Variants in ST7 observed in about 807,000 individuals in gnomAD.
ST7 encodes the protein suppressor of tumorigenicity 7 protein.
Under a neutral mutation model 78.7 loss-of-function variants are expected in ST7, and 28 were observed. The observed-to-expected ratio is 0.36, with a 90% CI of 0.26 to 0.49. The LOEUF is 0.49. Among genes scored for constraint, ST7 ranks in the 20% least tolerant of loss-of-function variants. The pLI, the probability that ST7 is intolerant of heterozygous loss-of-function variation, is 0.99. For missense variants in ST7, 418 were observed against 696.0 expected (o/e 0.60, Z 4.49); for synonymous variants, 247 against 249.6 (o/e 0.99, Z 0.10).
intron 1 of ST7, among the ~76,000 whole-genome samples, chr7:116,998,394 G>A (rs1008207026): frequency 1.3e-5 from 2 of 152,180 alleles, no homozygotes; most frequent in Admixed American, 6.5e-5. Context: ...ACACCTCCCC[G>A]CAAGCCGAGG....
chr7:117,095,744 ATGGAGG>A (rs1276683319), intron 1 of ST7, among the ~76,000 whole-genome samples: 1 of 152,184 alleles, frequency 6.6e-6, no homozygotes, highest in Non-Finnish European at 1.5e-5. Flanking sequence ...CCTAACAAGT[ATGGAGG>A]TGACCTTGAT....
rs559970130 is a variant in ST7, at chr7:117,015,294, C to T, written c.151+61603C>T. On this transcript the variant is annotated intron_variant, in intron 1 of 15. Transcript: ENST00000323984. ...TCCAACCCATAGTTAATCCACATTT[C>T]TCCCCTCTTAGGCCAGAGGATTTAA... is the stretch of plus-strand genomic sequence containing the variant. Among the ~76,000 whole-genome samples, 4 of 152,280 alleles carry T rather than the reference C, an allele frequency of 2.6e-5. No individual in the cohort carries two copies. In the South Asian group the frequency reaches 8.3e-4, roughly 32 times the overall value.
chr7:117,063,787 G>A (rs1408866384), intron 1 of ST7, among the ~76,000 whole-genome samples: 1 of 152,178 alleles, frequency 6.6e-6, no homozygotes, highest in Non-Finnish European at 1.5e-5. Context: ...TAGTTAACTT[G>A]CTTCTTTGAA....
intron 1 of ST7, among the ~76,000 whole-genome samples, chr7:117,062,512 A>G (rs1798412764): frequency 6.6e-6 from 1 of 152,188 alleles, no homozygotes; most frequent in Non-Finnish European, 1.5e-5. Flanking sequence ...GTAGTAGTCT[A>G]TGGAATTTAT....
chr7:117,201,653 A>G (rs1338256048), intron 12 of ST7, among the ~76,000 whole-genome samples: 1 of 151,460 alleles, frequency 6.6e-6, no homozygotes. Flanking sequence ...CGACCTCCCA[A>G]GCTCAAGCAA....
rs546173645 is a variant in ST7, at chr7:117,044,397, A to G, written c.152-55365A>G. Among the ~76,000 whole-genome samples, 14 of 152,232 alleles carry G rather than the reference A, an allele frequency of 9.2e-5. No homozygotes were observed. The East Asian group carries it at 2.5e-3, about 27-fold the overall frequency. On this transcript the variant is annotated intron_variant, in intron 1 of 15. Transcript: ENST00000323984. ...AAGGTAGGCGTTTTTTTCGAGACAG[A>G]GTGCAGTGGCACAAGCTCAGCTCAC... is the stretch of plus-strand genomic sequence containing the variant.
intron 2 of ST7, among the ~76,000 whole-genome samples, chr7:117,108,905 G>A (rs970235915): frequency 1.3e-5 from 2 of 151,978 alleles, no homozygotes; most frequent in South Asian, 2.1e-4. Context: ...CAGCTTGGTC[G>A]CTGTTGGTGT....
At chr7:117,120,366 C>A (rs1803269475) in intron 3 of ST7, among the ~76,000 whole-genome samples, 1 of 152,204 alleles carries the variant, frequency 6.6e-6, no homozygotes, top group African/African-American at 2.4e-5. Flanking sequence ...ATTGCAGAAT[C>A]TTGTGTCTAA....
In ST7 at chr7:117,100,284, C is replaced by T. The variant is rs182951009; in HGVS notation, c.234+440C>T. Among the ~76,000 whole-genome samples, 384 of 152,198 alleles carry T rather than the reference C, an allele frequency of 2.5e-3. 1 individual carries two copies. The highest frequency in any genetic ancestry group is 8.5e-3 in the African/African-American group (351 of 41,536). ...GTTAGGAGTTTGAGACCAGCCTGGCCAGCATGGTGAAACCCCATCTCTACT... is the reference window on the plus strand; with the variant it reads ...GTTAGGAGTTTGAGACCAGCCTGGCTAGCATGGTGAAACCCCATCTCTACT... On this transcript the variant is annotated intron_variant, in intron 2 of 15. Transcript: ENST00000323984.
At chr7:117,113,421 G>A (rs1802592307) in intron 2 of ST7, among the ~76,000 whole-genome samples, 1 of 152,054 alleles carries the variant, frequency 6.6e-6, no homozygotes, top group Non-Finnish European at 1.5e-5. Context: ...TGGGGAGAGG[G>A]AAAGAGAAAA....
At chr7:117,030,733 T>A (rs1032013336) in intron 1 of ST7, among the ~76,000 whole-genome samples, 1 of 152,210 alleles carries the variant, frequency 6.6e-6, no homozygotes, top group Non-Finnish European at 1.5e-5. Context: ...TATACACTGC[T>A]GGTGGAAGTG....
intron 2 of ST7, among the ~76,000 whole-genome samples, chr7:117,110,102 T>A (rs1563088788): frequency 6.6e-6 from 1 of 152,344 alleles, no homozygotes; most frequent in South Asian, 2.1e-4. Flanking sequence ...TGGCAATCTT[T>A]TAGCATATAT....
At chr7:117,006,888 T>TG (rs992656023) in intron 1 of ST7, among the ~76,000 whole-genome samples, 13 of 152,352 alleles carry the variant, frequency 8.5e-5, no homozygotes, top group African/African-American at 3.1e-4. Flanking sequence ...GTAGTTGTTT[T>TG]GGGGTGCCGC....
At chr7:117,021,208 C>A (rs1051053477) in intron 1 of ST7, among the ~76,000 whole-genome samples, 2 of 151,704 alleles carry the variant, frequency 1.3e-5, no homozygotes, top group South Asian at 4.2e-4. Context: ...AGGATCATAT[C>A]TTTTTAAAAA....
At chr7:116,966,126 CA>C in intron 1 of ST7, 1 of 461,346 alleles carries the variant, frequency 2.2e-6, no homozygotes, top group Non-Finnish European at 4.5e-6. Flanking sequence ...GTAACACCTG[CA>C]AAAACAAAAG....
At chr7:116,967,255 C>T (rs1337496234) in intron 1 of ST7, 2 of 470,492 alleles carry the variant, frequency 4.3e-6, no homozygotes, top group East Asian at 6.9e-5. Flanking sequence ...TCTGGAAGAC[C>T]CCATTCCCCT....
At chr7:116,955,543 A>T (rs1792421475) in intron 1 of ST7, among the ~76,000 whole-genome samples, 1 of 152,206 alleles carries the variant, frequency 6.6e-6, no homozygotes. Context: ...CACAGGTCCC[A>T]CCTTTCAACA....
Position 116,953,558 on chromosome 7 carries a change from G to T in ST7, c.18G>T (p.Thr6=). The T allele has an allele frequency of 6.9e-7, 1 of 1,439,406 alleles. No individual in the cohort carries two copies. Among genetic ancestry groups the T allele is most frequent in the South Asian group, 1.3e-5 (1 of 74,514 alleles). 89.2% of individuals were successfully genotyped at this position (1,439,406 alleles called of 1,614,324 possible). A position where few individuals can be genotyped will look rare whatever the true frequency, so the allele number is the denominator to read the frequency against. Residue 6 remains threonine, a synonymous_variant, in exon 1 of 16, where the codon ACG becomes ACT. Coordinates refer to ENST00000323984, the MANE Select transcript of ST7 (RefSeq NM_001369598.1). MAEAA[T]GFLEQLKSCI... is the part of the protein sequence containing the mutation. ...GCTGAAACATGGCTGAAGCGGCCACGGGCTTTCTGGAGCAGCTCAAGTCCT... is the reference window on the plus strand; with the variant it reads ...GCTGAAACATGGCTGAAGCGGCCACTGGCTTTCTGGAGCAGCTCAAGTCCT...
intron 1 of ST7, among the ~76,000 whole-genome samples, chr7:117,091,286 A>G (rs539319157): frequency 2.0e-5 from 3 of 152,356 alleles, no homozygotes; most frequent in South Asian, 2.1e-4. Context: ...CAGCAGAAGC[A>G]ACAAATGAGG....
Sources: gnomAD v4.1 joint callset for allele counts (sites outside exome capture counted in the v4.1 genomes callset) on GRCh38, gnomAD v4.1.1 for gene constraint, MANE v1.5 for transcripts, NCBI Gene and HGNC (gene_info 2026-07-23, HGNC 2026-07-21) for gene names.